Variants in LAMA4 observed in about 807,000 individuals in gnomAD.
The protein encoded by LAMA4 is laminin subunit alpha 4, also known as laminin subunit alpha-4.
A neutral mutation model predicts 207.1 loss-of-function variants in LAMA4; 127 were observed. That is an observed-to-expected ratio of 0.61 (90% CI 0.53 to 0.71). LAMA4 has a LOEUF of 0.71. Among genes scored for constraint, LAMA4 ranks in the 30% least tolerant of loss-of-function variants. LAMA4 has a pLI of 0.00. For missense variants in LAMA4, 2,093 were observed against 2,246.5 expected (o/e 0.93, Z 1.38); for synonymous variants, 761 against 816.0 (o/e 0.93, Z 1.15).
intron 3 of LAMA4, chr6:112,213,958 C>G: frequency 1.4e-6 from 1 of 703,478 alleles, no homozygotes. Context: ...CTGGTCATGA[C>G]AGTGAGCTAC....
rs1780320561 is a variant in LAMA4, at chr6:112,150,367, TG to T, written c.2173+143del. ...CTTTTTGTTTTCTAGAACTTTTTTTTGTGATGAACGTATTTTGTCATCAGAA... is the reference window on the plus strand; with the variant it reads ...CTTTTTGTTTTCTAGAACTTTTTTTTTGATGAACGTATTTTGTCATCAGAA... On this transcript the variant is annotated intron_variant, in intron 17 of 38. Transcript: ENST00000230538. The T allele has an allele frequency of 4.8e-5, 36 of 746,812 alleles. No homozygotes were observed. The South Asian group carries it at 5.1e-4, about 11-fold the overall frequency. The allele number at this position is 746,812 out of a possible 1,614,324, so 46.3% of individuals were successfully genotyped here.
At chr6:112,155,308 T>A (rs192210765) in intron 15 of LAMA4, 4 of 565,358 alleles carry the variant, frequency 7.1e-6, no homozygotes, top group Non-Finnish European at 1.3e-5. Context: ...AAATACATAT[T>A]TTTTTTTTCA....
intron 31 of LAMA4, among the ~76,000 whole-genome samples, chr6:112,122,569 C>T (rs73532603): frequency 0.063 from 9,609 of 152,152 alleles, 978 homozygotes; most frequent in African/African-American, 0.22. Context: ...TCAACAAAAT[C>T]CTCATATAAG....
intron 2 of LAMA4, among the ~76,000 whole-genome samples, chr6:112,220,808 G>A (rs1784882889): frequency 6.6e-6 from 1 of 152,026 alleles, no homozygotes; most frequent in African/African-American, 2.4e-5. Context: ...TGCATGCTTT[G>A]GCTATGGCAA....
intron 16 of LAMA4, among the ~76,000 whole-genome samples, chr6:112,153,920 T>C (rs1780544965): frequency 6.6e-6 from 1 of 152,128 alleles, no homozygotes. Context: ...AAAAGCAAAG[T>C]GCATTTATCT....
chr6:112,145,911 C>T (rs1462925209), intron 18 of LAMA4, among the ~76,000 whole-genome samples: 2 of 152,036 alleles, frequency 1.3e-5, no homozygotes, highest in Non-Finnish European at 2.9e-5. Context: ...AAGAGGAATA[C>T]TGGGAAAAAA....
chr6:112,212,140 G>C (rs1423179885), intron 3 of LAMA4, among the ~76,000 whole-genome samples: 5 of 152,090 alleles, frequency 3.3e-5, no homozygotes, highest in African/African-American at 1.2e-4. Flanking sequence ...CTCAGGTGAG[G>C]AGTATATGGG....
At chr6:112,200,582 CAT>C (rs1783681834) in intron 5 of LAMA4, among the ~76,000 whole-genome samples, 1 of 152,034 alleles carries the variant, frequency 6.6e-6, no homozygotes, top group Non-Finnish European at 1.5e-5. Context: ...CACATGCACA[CAT>C]ATGTTTATTG....
intron 24 of LAMA4, among the ~76,000 whole-genome samples, chr6:112,136,602 GA>G (rs1779364233): frequency 6.6e-6 from 1 of 150,678 alleles, no homozygotes; most frequent in Non-Finnish European, 1.5e-5. Flanking sequence ...TGAGGCAAGA[GA>G]ATCGCTTGAA....
At chr6:112,139,611 T>A (rs1322274311) in intron 23 of LAMA4, 141 bp downstream of exon 23, 2 of 1,006,046 alleles carry the variant, frequency 2.0e-6, no homozygotes, top group Admixed American at 1.8e-5. Flanking sequence ...GGTGAAGAGT[T>A]TTTTGCAGGT....
At chr6:112,172,830 C>T in intron 11 of LAMA4, 26 bp from the exon 12 acceptor site, 3 of 1,601,554 alleles carry the variant, frequency 1.9e-6, no homozygotes, top group Non-Finnish European at 2.6e-6. Flanking sequence ...GATAAAGGCT[C>T]AGTGTGGCTT....
chr6:112,165,981 TAGAA>T (rs1391540633), intron 12 of LAMA4, among the ~76,000 whole-genome samples: 1 of 152,130 alleles, frequency 6.6e-6, no homozygotes, highest in Non-Finnish European at 1.5e-5. Flanking sequence ...GAAAGAAACA[TAGAA>T]AGAAACTTTA....
chr6:112,200,241 CA>C (rs1270028522), intron 5 of LAMA4: 1 of 490,038 alleles, frequency 2.0e-6, no homozygotes, highest in Non-Finnish European at 4.1e-6. Flanking sequence ...ATGTGCTTTT[CA>C]AAAGAAGACA....
chr6:112,140,613 T>A (rs1779632179), intron 22 of LAMA4, 147 bp downstream of exon 22: 1 of 739,830 alleles, frequency 1.4e-6, no homozygotes, highest in Non-Finnish European at 2.4e-6. Context: ...CACATCAGGT[T>A]TATAGATTCT....
chr6:112,215,037 C>T (rs1784551228), intron 3 of LAMA4, among the ~76,000 whole-genome samples: 1 of 152,192 alleles, frequency 6.6e-6, no homozygotes, highest in Non-Finnish European at 1.5e-5. Flanking sequence ...AACAAACAAC[C>T]TTTAATTGGT....
intron 11 of LAMA4, among the ~76,000 whole-genome samples, chr6:112,174,451 G>A (rs988574707): frequency 1.3e-5 from 2 of 152,208 alleles, no homozygotes; most frequent in Admixed American, 1.3e-4. Context: ...GAAAGCATGA[G>A]CAATAAATGG....
At chr6:112,120,669 AC>A (rs1778300927) in intron 32 of LAMA4, among the ~76,000 whole-genome samples, 197 bp from the exon 33 acceptor site, 1 of 152,200 alleles carries the variant, frequency 6.6e-6, no homozygotes, top group African/African-American at 2.4e-5. Flanking sequence ...ATTCTTCTCT[AC>A]TTCCTTATAC....
At chr6:112,199,110 C>T (rs1783587094) in intron 5 of LAMA4, among the ~76,000 whole-genome samples, 3 of 152,202 alleles carry the variant, frequency 2.0e-5, no homozygotes, top group African/African-American at 7.2e-5. Flanking sequence ...CCCAGCCTTA[C>T]TGGGTAATGG....
chr6:112,213,946 C>A, intron 3 of LAMA4: 1 of 653,454 alleles, frequency 1.5e-6, no homozygotes, highest in Non-Finnish European at 2.8e-6. Flanking sequence ...CTGACTGAAA[C>A]ACTGGTCATG....
Sources: gnomAD v4.1 joint callset for allele counts (sites outside exome capture counted in the v4.1 genomes callset) on GRCh38, gnomAD v4.1.1 for gene constraint, MANE v1.5 for transcripts, NCBI Gene and HGNC (gene_info 2026-07-23, HGNC 2026-07-21) for gene names.